TIMM23: variants seen among roughly 807,000 people sequenced by gnomAD.
TIMM23 encodes translocase of inner mitochondrial membrane 23.
Under a neutral mutation model 30.7 loss-of-function variants are expected in TIMM23, and 19 were observed. The observed-to-expected ratio is 0.62, with a 90% CI of 0.43 to 0.91. The LOEUF is 0.91. Ranked by LOEUF, TIMM23 falls within the 40% of genes least tolerant of loss-of-function variation. The pLI, the probability that TIMM23 is intolerant of heterozygous loss-of-function variation, is 0.00. For synonymous variants in TIMM23, 78 were observed against 98.5 expected (o/e 0.79, Z 1.23); for missense variants, 202 against 269.2 (o/e 0.75, Z 1.75).
At chr10:46,002,682 GAA>G (rs199733838) in intron 6 of TIMM23, among the ~76,000 whole-genome samples, 2 of 151,822 alleles carry the variant, frequency 1.3e-5, no homozygotes, top group Non-Finnish European at 2.9e-5. Context: ...AAAGTAGGGG[GAA>G]AAAAATTATG....
intron 6 of TIMM23, among the ~76,000 whole-genome samples, chr10:45,997,967 A>G (rs1420899427): frequency 6.6e-6 from 1 of 152,186 alleles, no homozygotes; most frequent in East Asian, 1.9e-4. Flanking sequence ...TAAAATTTTA[A>G]GACAGCTGCT....
At chr10:45,980,379 G>A (rs1554913810) in intron 2 of TIMM23, among the ~76,000 whole-genome samples, 116 of 152,142 alleles carry the variant, frequency 7.6e-4, no homozygotes, top group African/African-American at 2.5e-3. Flanking sequence ...GATTACAAGC[G>A]TGAGCTACTG....
chr10:45,983,471 G>A lies in TIMM23; in HGVS notation c.344+541G>A, dbSNP rs1342060361. 3.5e-3 allele frequency among the ~76,000 whole-genome samples: 540 copies of A among 152,300 alleles called. 2 individuals carry two copies. Among genetic ancestry groups the A allele is most frequent in the African/African-American group, 0.013 (520 of 41,582 alleles). On this transcript the variant is annotated intron_variant, in intron 4 of 6. Coordinates refer to ENST00000580018, the MANE Select transcript of TIMM23 (RefSeq NM_006327.4). ...TTTTCTGTTAGAACTTGAAGTTACA[G>A]AGAAGGGAAAGTACAGTTAAAAGGA... is the stretch of plus-strand genomic sequence containing the variant.
intron 6 of TIMM23, among the ~76,000 whole-genome samples, chr10:46,001,541 C>G (rs538751446): frequency 3.9e-5 from 6 of 152,058 alleles, no homozygotes; most frequent in African/African-American, 1.4e-4. Context: ...GTAGGACGCT[C>G]GTTGCAGAAA....
chr10:45,974,654 A>T (rs1316048149), intron 1 of TIMM23, among the ~76,000 whole-genome samples: 2 of 152,232 alleles, frequency 1.3e-5, no homozygotes, highest in East Asian at 1.9e-4. Flanking sequence ...GGTAAGAGAA[A>T]GCAAGGAGTT....
At chr10:45,997,289 G>A (rs868919899) in intron 6 of TIMM23, among the ~76,000 whole-genome samples, 12 of 151,572 alleles carry the variant, frequency 7.9e-5, no homozygotes, top group Middle Eastern at 6.8e-3. Context: ...CAGATGGTAA[G>A]ACATGGATGA....
chr10:45,979,956 C>T (rs1489360756), intron 2 of TIMM23, among the ~76,000 whole-genome samples: 2 of 151,922 alleles, frequency 1.3e-5, no homozygotes, highest in African/African-American at 4.8e-5. Flanking sequence ...ATCATTGTGG[C>T]CCTGCATTGC....
At chr10:45,988,656 T>C (rs1365406074) in intron 5 of TIMM23, 81 bp from the exon 6 acceptor site, 1 of 933,374 alleles carries the variant, frequency 1.1e-6, no homozygotes, top group East Asian at 2.4e-5. Context: ...CTAGGAACCA[T>C]GGATGAAAAC....
chr10:45,985,177 C>CT (rs1241574776), intron 4 of TIMM23, among the ~76,000 whole-genome samples: 1 of 151,812 alleles, frequency 6.6e-6, no homozygotes, highest in African/African-American at 2.4e-5. Flanking sequence ...AGACTTTTGC[C>CT]TAAAGTTTTG....
intron 2 of TIMM23, 129 bp from the exon 3 acceptor site, chr10:45,982,394 T>A (rs1837875761): frequency 1.2e-6 from 1 of 830,872 alleles, no homozygotes; most frequent in African/African-American, 1.7e-5. Context: ...TATTTTTGTT[T>A]AAGTATAGGT....
chr10:45,976,942 A>G (rs1246898551), intron 2 of TIMM23, among the ~76,000 whole-genome samples: 130 of 152,348 alleles, frequency 8.5e-4, no homozygotes, highest in Non-Finnish European at 1.4e-3. Context: ...TACAAGTTCA[A>G]TATACATAAA....
chr10:45,991,345 A>G (rs1215105511), intron 6 of TIMM23, among the ~76,000 whole-genome samples: 1 of 152,368 alleles, frequency 6.6e-6, no homozygotes, highest in Middle Eastern at 3.4e-3. Context: ...TCTGAGGAAG[A>G]TTAAGCTAGA....
chr10:46,000,141 C>G (rs1050440429), intron 6 of TIMM23, among the ~76,000 whole-genome samples: 1 of 152,112 alleles, frequency 6.6e-6, no homozygotes, highest in African/African-American at 2.4e-5. Context: ...GGTCCTGAGA[C>G]GACATACATC....
chr10:45,990,053 A>G (rs1370985440), intron 6 of TIMM23, among the ~76,000 whole-genome samples: 1 of 151,826 alleles, frequency 6.6e-6, no homozygotes, highest in Non-Finnish European at 1.5e-5. Context: ...AAAAGATTTT[A>G]GTGATGTGCA....
intron 5 of TIMM23, among the ~76,000 whole-genome samples, chr10:45,987,752 A>G (rs1264407664): frequency 6.6e-6 from 1 of 150,918 alleles, no homozygotes; most frequent in Non-Finnish European, 1.5e-5. Flanking sequence ...AGCTGGGACT[A>G]CAGGCAACAT....
intron 6 of TIMM23, chr10:45,992,396 T>G: frequency 2.2e-6 from 1 of 455,974 alleles, no homozygotes; most frequent in Non-Finnish European, 4.4e-6. Flanking sequence ...GAGGGTCTTA[T>G]GAAAGTTTTT....
intron 1 of TIMM23, 48 bp downstream of exon 1, chr10:45,972,778 C>A (rs1554912074): frequency 1.2e-6 from 2 of 1,608,548 alleles, no homozygotes; most frequent in South Asian, 2.2e-5. Context: ...GTTTTTGCGT[C>A]TACACTAAGT....
chr10:45,985,285 C>T (rs1837960970), intron 4 of TIMM23, 98 bp from the exon 5 acceptor site: 1 of 1,423,678 alleles, frequency 7.0e-7, no homozygotes, highest in Admixed American at 1.9e-5. Flanking sequence ...AACTTTGCGC[C>T]CTGGGTCTAG....
intron 1 of TIMM23, among the ~76,000 whole-genome samples, chr10:45,973,456 GC>G (rs1837563477): frequency 6.6e-6 from 1 of 152,118 alleles, no homozygotes; most frequent in Admixed American, 6.5e-5. Flanking sequence ...CGTGGATAAA[GC>G]CTTTACGAAA....
Sources: allele counts gnomAD v4.1 joint callset (sites outside exome capture counted in the v4.1 genomes callset), GRCh38; gene constraint gnomAD v4.1.1; transcripts MANE v1.5; gene names NCBI Gene and HGNC (gene_info 2026-07-23, HGNC 2026-07-21).